JAM2: variants seen among roughly 807,000 people sequenced by gnomAD.
JAM2 encodes junctional adhesion molecule B.
Under a neutral mutation model 42.0 loss-of-function variants are expected in JAM2, and 17 were observed. That is an observed-to-expected ratio of 0.40 (90% CI 0.28 to 0.61). The LOEUF (loss-of-function observed/expected upper bound fraction) is 0.61, where lower values mean the gene tolerates loss of function less well. JAM2 is among the 20% of genes least tolerant of loss of function. The pLI is 0.37. For missense variants in JAM2, 319 were observed against 358.3 expected (o/e 0.89, Z 0.89); for synonymous variants, 118 against 128.6 (o/e 0.92, Z 0.56).
chr21:25,695,091 A>G (rs1297769098), intron 4 of JAM2, among the ~76,000 whole-genome samples: 6 of 151,966 alleles, frequency 3.9e-5, no homozygotes, highest in East Asian at 1.9e-4. Context: ...ACAAGTGAAC[A>G]AGGGTCTTTG....
intron 1 of JAM2, among the ~76,000 whole-genome samples, chr21:25,640,892 G>A (rs2032418772): frequency 6.6e-6 from 1 of 151,246 alleles, no homozygotes; most frequent in Non-Finnish European, 1.5e-5. Context: ...TTCTGGTAAA[G>A]TAACACTTAT....
At chr21:25,688,928 C>G (rs1265866762) in intron 2 of JAM2, among the ~76,000 whole-genome samples, 1 of 151,846 alleles carries the variant, frequency 6.6e-6, no homozygotes, top group Non-Finnish European at 1.5e-5. Flanking sequence ...TTCTAGAGAG[C>G]CTGGTTAAAA....
chr21:25,642,340 A>G (rs1423198373), intron 1 of JAM2, among the ~76,000 whole-genome samples: 1 of 152,034 alleles, frequency 6.6e-6, no homozygotes, highest in Non-Finnish European at 1.5e-5. Context: ...TTATTTTTCT[A>G]TCAGTATGGG....
intron 8 of JAM2, 92 bp downstream of exon 8, chr21:25,709,541 T>C: frequency 1.2e-6 from 1 of 826,870 alleles, no homozygotes; most frequent in South Asian, 1.9e-5. Flanking sequence ...AGAAGTTGGG[T>C]TATTTGTGTA....
chr21:25,679,317 A>C (rs928166832), intron 1 of JAM2, among the ~76,000 whole-genome samples: 1 of 152,214 alleles, frequency 6.6e-6, no homozygotes, highest in Non-Finnish European at 1.5e-5. Flanking sequence ...GATTTTATAC[A>C]AACTTTTCAA....
At position 25,677,138 on chromosome 21, in the gene JAM2, A is replaced by G. The variant is rs373990516; in HGVS notation, c.68-6745A>G. On this transcript the variant is annotated intron_variant, in intron 1 of 9. Transcript: ENST00000480456. ...CTACACTAAAAGCCCAGACTTCACC[A>G]CTACACAATATACCCATGTAACAAA... Among the ~76,000 whole-genome samples, 13 of 152,276 alleles carry G rather than the reference A, an allele frequency of 8.5e-5. No homozygotes were observed. The East Asian group carries it at 2.3e-3, about 27-fold the overall frequency.
rs2034489173 is a variant in JAM2 at position 25,716,839 on chromosome 21, T to A, written c.*2167T>A. 6.6e-6 allele frequency: 1 copy of A among 152,216 alleles called. No homozygotes were observed. Among genetic ancestry groups the A allele is most frequent in the Non-Finnish European group, 1.5e-5 (1 of 68,042 alleles). The allele number at this position is 152,216 out of a possible 1,614,324, so 9.4% of individuals were successfully genotyped here. A position where few individuals can be genotyped will look rare whatever the true frequency, so the allele number is the denominator to read the frequency against. On this transcript the variant is annotated 3_prime_UTR_variant, in exon 10 of 10. Transcript: ENST00000480456. ...TGTTACCTATGTTTTGGTTGGAAGATTTCTTTGGTTTGAGGAATGCTTTCC... is the reference window on the plus strand; with the variant it reads ...TGTTACCTATGTTTTGGTTGGAAGAATTCTTTGGTTTGAGGAATGCTTTCC...
chr21:25,647,733 G>A (rs1011915928), intron 1 of JAM2, among the ~76,000 whole-genome samples: 1 of 152,184 alleles, frequency 6.6e-6, no homozygotes, highest in South Asian at 2.1e-4. Context: ...AAAGGAGAAC[G>A]TGTGTGCACC....
intron 6 of JAM2, among the ~76,000 whole-genome samples, chr21:25,702,914 G>C (rs999879837): frequency 5.9e-5 from 9 of 151,894 alleles, no homozygotes; most frequent in Admixed American, 5.3e-4. Flanking sequence ...GTGCAGTGTC[G>C]TGATCTCGGC....
In JAM2 at chr21:25,698,747, T is replaced by C. The variant is rs765831197; in HGVS notation, c.465T>C (p.Cys155=). The change falls in exon 5 of 10, where the codon TGT becomes TGC. Residue 155 remains cysteine, a synonymous_variant. Coordinates refer to ENST00000480456, the MANE Select transcript of JAM2 (RefSeq NM_021219.4). The stretch of plus-strand genomic sequence containing the variant: ...GTGGAACTGTGGTAGAGCTACGATG[T>C]CAAGACAAAGAAGGGAATCCAGCTC... ...ALSGTVVELR[C]QDKEGNPAPE... 1.9e-6 allele frequency: 3 copies of C among 1,614,028 alleles called. No individual in the cohort carries two copies. Among genetic ancestry groups the C allele is most frequent in the Admixed American group, 1.7e-5 (1 of 59,996 alleles).
chr21:25,692,941 C>T (rs1601043377), intron 3 of JAM2, among the ~76,000 whole-genome samples: 1 of 152,122 alleles, frequency 6.6e-6, no homozygotes, highest in Non-Finnish European at 1.5e-5. Flanking sequence ...TTGTTAAGGG[C>T]CATCCAACTA....
At chr21:25,673,809 T>C (rs923000448) in intron 1 of JAM2, among the ~76,000 whole-genome samples, 10 of 152,172 alleles carry the variant, frequency 6.6e-5, no homozygotes, top group African/African-American at 2.4e-4. Flanking sequence ...TTTGGCTGTG[T>C]CCCCACCCAA....
intron 1 of JAM2, among the ~76,000 whole-genome samples, chr21:25,640,827 T>TC (rs1568882677): frequency 6.3e-5 from 9 of 142,106 alleles, no homozygotes; most frequent in Admixed American, 7.1e-5. Context: ...CTCTCTCTCT[T>TC]TCTTTCTGTC....
In JAM2 at chr21:25,715,674, C is replaced by G. The variant is rs771074267; in HGVS notation, c.*1002C>G. The G allele has an allele frequency of 2.0e-5, 3 of 152,204 alleles. No individual in the cohort carries two copies. Among genetic ancestry groups the G allele is most frequent in the Non-Finnish European group, 4.4e-5 (3 of 68,042 alleles). 9.4% of individuals were successfully genotyped at this position (152,204 alleles called of 1,614,324 possible). ...AAAAGCTCAGTATGACTCCCTGCAT[C>G]TGGTACCCCTCTTGAAACACAGTGG... On this transcript the variant is annotated 3_prime_UTR_variant, in exon 10 of 10. Coordinates refer to ENST00000480456, the MANE Select transcript of JAM2 (RefSeq NM_021219.4).
At position 25,683,932 on chromosome 21, in the gene JAM2, A is replaced by G. The variant is rs1404382592; in HGVS notation, c.117A>G (p.Thr39=). ...FSAPKDQQVV[T]AVEYQEAILA... ...CCCCAAAAGACCAACAAGTAGTCAC[A>G]GCAGTAGAGTACCAAGGTACAGTAT... The change falls in exon 2 of 10, where the codon ACA becomes ACG. Residue 39 remains threonine (T), a synonymous_variant. Transcript: ENST00000480456. 1 of 1,607,062 alleles carries G rather than the reference A, an allele frequency of 6.2e-7. No individual in the cohort carries two copies. Among genetic ancestry groups the G allele is most frequent in the East Asian group, 2.2e-5 (1 of 44,808 alleles).
chr21:25,641,172 C>T (rs540995329), intron 1 of JAM2, among the ~76,000 whole-genome samples: 50 of 151,944 alleles, frequency 3.3e-4, no homozygotes, highest in Admixed American at 6.6e-5. Context: ...AAAAAAAATG[C>T]ACTCATGCTA....
intron 1 of JAM2, among the ~76,000 whole-genome samples, chr21:25,645,377 T>A (rs1018471607): frequency 2.0e-5 from 3 of 152,182 alleles, no homozygotes; most frequent in African/African-American, 7.2e-5. Context: ...TTAGGGAGAA[T>A]TACATGTATA....
At chr21:25,671,359 C>A (rs1283895454) in intron 1 of JAM2, among the ~76,000 whole-genome samples, 1 of 152,112 alleles carries the variant, frequency 6.6e-6, no homozygotes, top group Non-Finnish European at 1.5e-5. Flanking sequence ...CTAAGCCTTC[C>A]CCACCCACCC....
In JAM2 at chr21:25,682,154, G is replaced by A. The variant is rs113407402; in HGVS notation, c.68-1729G>A. 3.3e-3 allele frequency among the ~76,000 whole-genome samples: 501 copies of A among 152,282 alleles called. 6 individuals are homozygous for A. The highest frequency in any genetic ancestry group is 4.3e-3 in the Non-Finnish European group (290 of 68,028). On this transcript the variant is annotated intron_variant, in intron 1 of 9. Coordinates refer to ENST00000480456, the MANE Select transcript of JAM2 (RefSeq NM_021219.4). ...GCCAGGCACTGTTCTGAGTGTTTGCGTTAATTTCAGAGACTATAACAGGCG... is the reference window on the plus strand; with the variant it reads ...GCCAGGCACTGTTCTGAGTGTTTGCATTAATTTCAGAGACTATAACAGGCG...
Sources: allele counts gnomAD v4.1 joint callset (sites outside exome capture counted in the v4.1 genomes callset), GRCh38; gene constraint gnomAD v4.1.1; transcripts MANE v1.5; gene names NCBI Gene and HGNC (gene_info 2026-07-23, HGNC 2026-07-21).